The following TPST2 variants were observed in gnomAD, a reference collection of about 807,000 sequenced individuals.
TPST2 encodes tyrosylprotein sulfotransferase 2, also known as protein-tyrosine sulfotransferase 2.
TPST2 carries 16 observed loss-of-function variants against 27.8 expected under a neutral mutation model. The ratio of observed to expected loss-of-function variants is 0.58; its 90% CI spans 0.39 to 0.88. The LOEUF is 0.88. Among genes scored for constraint, TPST2 ranks in the 40% least tolerant of loss-of-function variants. The pLI, the probability that TPST2 is intolerant of heterozygous loss-of-function variation, is 0.00. For missense variants in TPST2, 464 were observed against 543.1 expected (o/e 0.85, Z 1.45); for synonymous variants, 229 against 231.7 (o/e 0.99, Z 0.10).
intron 1 of TPST2, among the ~76,000 whole-genome samples, chr22:26,578,922 G>C (rs2267098): frequency 1.3e-5 from 2 of 150,818 alleles, no homozygotes; most frequent in South Asian, 2.1e-4. Flanking sequence ...CGTGATCTTG[G>C]CTCACTGCAG....
At chr22:26,546,129 T>C (rs1362397747) in intron 1 of TPST2, among the ~76,000 whole-genome samples, 1 of 151,862 alleles carries the variant, frequency 6.6e-6, no homozygotes, top group African/African-American at 2.4e-5. Flanking sequence ...TGTGCCATGA[T>C]GGCAATAAAC....
At chr22:26,589,797 G>A (rs998422838) in intron 1 of TPST2, among the ~76,000 whole-genome samples, 10 of 152,098 alleles carry the variant, frequency 6.6e-5, no homozygotes, top group Admixed American at 1.3e-4. Flanking sequence ...TGGTAACGGG[G>A]GCCCGGTGGA....
At chr22:26,536,266 A>C in intron 4 of TPST2, 22 bp downstream of exon 4, 3 of 1,613,880 alleles carry the variant, frequency 1.9e-6, no homozygotes, top group Non-Finnish European at 2.5e-6. Flanking sequence ...GTACACTTCC[A>C]CAAGTACAGG....
intron 2 of TPST2, among the ~76,000 whole-genome samples, chr22:26,542,334 C>G (rs991598436): frequency 6.6e-6 from 1 of 151,946 alleles, no homozygotes; most frequent in Non-Finnish European, 1.5e-5. Flanking sequence ...AATCCTCTGC[C>G]TCAGCCTCCC....
At chr22:26,574,273 G>A (rs916903676) in intron 1 of TPST2, among the ~76,000 whole-genome samples, 13 of 152,296 alleles carry the variant, frequency 8.5e-5, no homozygotes, top group African/African-American at 2.6e-4. Flanking sequence ...CTATGCATTA[G>A]ATGCCATATA....
intron 4 of TPST2, among the ~76,000 whole-genome samples, chr22:26,535,544 T>C (rs1390778543): frequency 6.6e-6 from 1 of 152,048 alleles, no homozygotes; most frequent in African/African-American, 2.4e-5. Flanking sequence ...TTGGGAAGAG[T>C]GAAGCAGGGG....
chr22:26,560,940 G>T, intron 1 of TPST2: 1 of 1,609,764 alleles, frequency 6.2e-7, no homozygotes, highest in Non-Finnish European at 8.5e-7. Context: ...CACTGCCGCA[G>T]ATGACAAGCA....
intron 1 of TPST2, among the ~76,000 whole-genome samples, chr22:26,577,430 C>T (rs1043160384): frequency 1.3e-5 from 2 of 151,864 alleles, no homozygotes; most frequent in Non-Finnish European, 1.5e-5. Flanking sequence ...CTGTAACTTC[C>T]ACCTCCCAGG....
rs1329767816 is a variant in TPST2 at position 26,560,511 on chromosome 22, GA to G, written c.-160-15837del. ...CACTGGGCGACTGTGCCTCGCTGAG[GA>G]AAAATAACTAAACATGAGCAAAGGA... On this transcript the variant is annotated intron_variant, in intron 1 of 6. Coordinates refer to ENST00000338754, the MANE Select transcript of TPST2 (RefSeq NM_003595.5). The G allele has an allele frequency of 3.6e-6, 3 of 823,638 alleles. No homozygotes were observed. The African/African-American group carries it at 5.0e-5, about 14-fold the overall frequency. The allele number at this position is 823,638 out of a possible 1,614,324, so 51.0% of individuals were successfully genotyped here.
intron 6 of TPST2, among the ~76,000 whole-genome samples, chr22:26,527,669 T>G (rs752864536): frequency 6.6e-6 from 1 of 152,232 alleles, no homozygotes; most frequent in Non-Finnish European, 1.5e-5. Flanking sequence ...CTTCCTTCTC[T>G]GTGCTTTGGT....
intron 5 of TPST2, among the ~76,000 whole-genome samples, chr22:26,529,661 G>A (rs1011131571): frequency 6.6e-6 from 1 of 152,310 alleles, no homozygotes; most frequent in South Asian, 2.1e-4. Context: ...AAAGGGCATG[G>A]ATGTTCTGTG....
intron 1 of TPST2, among the ~76,000 whole-genome samples, chr22:26,558,625 C>T (rs189361095): frequency 1.3e-5 from 2 of 152,212 alleles, no homozygotes; most frequent in Admixed American, 1.3e-4. Flanking sequence ...GCTTGCTGGT[C>T]TCAGCCGTCA....
chr22:26,553,827 T>C (rs1926626864), intron 1 of TPST2, among the ~76,000 whole-genome samples: 1 of 152,212 alleles, frequency 6.6e-6, no homozygotes, highest in African/African-American at 2.4e-5. Flanking sequence ...TTATACTACC[T>C]AATACAATCT....
In TPST2 at chr22:26,526,217, C is replaced by T. The variant is rs1357129523; in HGVS notation, c.*58G>A. ...ATGCTTGGATTAGAGGTCCGATTTCCACTTAAATGCATTTTCTTCTCTTCT... is the reference window on the plus strand; with the variant it reads ...ATGCTTGGATTAGAGGTCCGATTTCTACTTAAATGCATTTTCTTCTCTTCT... On this transcript the variant is annotated 3_prime_UTR_variant, in exon 7 of 7. Transcript: ENST00000338754. 6.6e-6 allele frequency: 1 copy of T among 152,168 alleles called. No homozygotes were observed. Among genetic ancestry groups the T allele is most frequent in the Admixed American group, 6.5e-5 (1 of 15,288 alleles). The allele number at this position is 152,168 out of a possible 1,614,324, so 9.4% of individuals were successfully genotyped here. A position where few individuals can be genotyped will look rare whatever the true frequency, so the allele number is the denominator to read the frequency against.
chr22:26,562,425 C>G (rs1346248979), intron 1 of TPST2, among the ~76,000 whole-genome samples: 1 of 152,166 alleles, frequency 6.6e-6, no homozygotes, highest in Non-Finnish European at 1.5e-5. Context: ...CAAGCCAGTC[C>G]ATGTGCCATT....
chr22:26,576,097 C>T (rs1358833183), intron 1 of TPST2, among the ~76,000 whole-genome samples: 4 of 151,868 alleles, frequency 2.6e-5, no homozygotes, highest in African/African-American at 7.3e-5. Flanking sequence ...GGAAATTATC[C>T]GAGGCTGCAT....
At position 26,522,768 on chromosome 22, in the gene TPST2, A is replaced by G. The variant is rs1924621672; in HGVS notation, c.*3507T>C. ...CTGGTAAAAGGAGTGGTGTTAGATC[A>G]GCACATGTTCACATCAGAAATGCTC... On this transcript the variant is annotated 3_prime_UTR_variant, in exon 7 of 7. Coordinates refer to ENST00000338754, the MANE Select transcript of TPST2 (RefSeq NM_003595.5). 1 of 152,304 alleles carries G rather than the reference A, an allele frequency of 6.6e-6. No homozygotes were observed. Among genetic ancestry groups the G allele is most frequent in the Non-Finnish European group, 1.5e-5 (1 of 68,098 alleles). 9.4% of individuals were successfully genotyped at this position (152,304 alleles called of 1,614,324 possible). A position where few individuals can be genotyped will look rare whatever the true frequency, so the allele number is the denominator to read the frequency against.
chr22:26,562,856 C>CAA (rs1224697629), intron 1 of TPST2, among the ~76,000 whole-genome samples: 1 of 152,140 alleles, frequency 6.6e-6, no homozygotes, highest in Non-Finnish European at 1.5e-5. Flanking sequence ...CTCTCGACCT[C>CAA]AAGTGATCTG....
In TPST2 at chr22:26,546,385, C is replaced by G. The variant is rs73160902; in HGVS notation, c.-160-1710G>C. The stretch of plus-strand genomic sequence containing the variant: ...GGCGGTCAATGATGTGAGGCCTGCT[C>G]TCTTGGAATAAACAAAACCAATTAG... On this transcript the variant is annotated intron_variant, in intron 1 of 6. Transcript: ENST00000338754. Among the ~76,000 whole-genome samples the G allele has an allele frequency of 5.7e-3, 873 of 152,346 alleles. 8 individuals carry two copies. Among genetic ancestry groups the G allele is most frequent in the Middle Eastern group, 6.8e-3 (2 of 294 alleles).
Sources: gnomAD v4.1 joint callset for allele counts (sites outside exome capture counted in the v4.1 genomes callset) on GRCh38, gnomAD v4.1.1 for gene constraint, MANE v1.5 for transcripts, NCBI Gene and HGNC (gene_info 2026-07-23, HGNC 2026-07-21) for gene names.